C10orf67: variants seen among roughly 807,000 people sequenced by gnomAD.
C10orf67 encodes the protein chromosome 10 open reading frame 67, also known as uncharacterized protein C10orf67, mitochondrial.
A neutral mutation model predicts 35.6 loss-of-function variants in C10orf67; 60 were observed. The ratio of observed to expected loss-of-function variants is 1.68; its 90% CI spans 1.37 to 2.09. The LOEUF (loss-of-function observed/expected upper bound fraction) is 2.09. Among genes scored for constraint, C10orf67 ranks in the 30% most tolerant of loss-of-function variants. The pLI, the probability that C10orf67 is intolerant of heterozygous loss-of-function variation, is 0.00. For synonymous variants in C10orf67, 167 were observed against 115.8 expected, an observed-to-expected ratio of 1.44 and a Z score of -2.84; for missense variants, 474 against 330.2, an observed-to-expected ratio of 1.44 and a Z score of -3.38.
intron 15 of C10orf67, among the ~76,000 whole-genome samples, chr10:23,208,798 G>A (rs1358603720): frequency 1.3e-5 from 2 of 152,176 alleles, no homozygotes; most frequent in Non-Finnish European, 2.9e-5. Flanking sequence ...TGGGATAAGA[G>A]CAAATGTGAC....
Position 23,291,279 on chromosome 10 carries a change from C to T in C10orf67, c.703G>A (p.Glu235Lys), listed in dbSNP as rs1192693225. 1.4e-6 allele frequency: 1 copy of T among 713,602 alleles called. No individual in the cohort carries two copies. The allele number at this position is 713,602 out of a possible 1,614,324, so 44.2% of individuals were successfully genotyped here. A position where few individuals can be genotyped will look rare whatever the true frequency, so the allele number is the denominator to read the frequency against. The change falls in exon 6 of 16, where the codon GAA becomes AAA. Residue 235 changes from glutamate to lysine, a missense_variant and splice_region_variant. Transcript: ENST00000636213. ...QYKDFGFHKM[E>K]SFAKETSSPK... The stretch of plus-strand genomic sequence containing the variant: ...GAGCTGGTTTCTTTGGCAAAAGATT[C>T]CTAAAAGATGGAGAATGCCATATTC...
chr10:23,203,437 T>C lies in C10orf67; in HGVS notation c.*736A>G, dbSNP rs1347335794. 6.6e-6 allele frequency: 1 copy of C among 152,240 alleles called. No individual in the cohort carries two copies. The highest frequency in any genetic ancestry group is 6.5e-5 in the Admixed American group (1 of 15,288). The allele number at this position is 152,240 out of a possible 1,614,324, so 9.4% of individuals were successfully genotyped here. On this transcript the variant is annotated 3_prime_UTR_variant, in exon 16 of 16. Coordinates refer to ENST00000636213, the MANE Select transcript of C10orf67 (RefSeq NM_001371909.1). ...AATAAATAACTGTAGAATTCTGTAA[T>C]CCAGAGCCTACGATTCAGATACAGG... is the stretch of plus-strand genomic sequence containing the variant.
chr10:23,323,914 T>TA (rs1845068262), intron 2 of C10orf67, among the ~76,000 whole-genome samples: 12 of 26,866 alleles, frequency 4.5e-4, no homozygotes, highest in African/African-American at 3.2e-3. Context: ...TATATATATA[T>TA]ATATATATAT....
Position 23,250,491 on chromosome 10 carries a change from T to C in C10orf67, c.1310A>G (p.Lys437Arg). 3 of 398,626 alleles carry C rather than the reference T, an allele frequency of 7.5e-6. No homozygotes were observed. Among genetic ancestry groups the C allele is most frequent in the Non-Finnish European group, 8.9e-6 (2 of 225,824 alleles). The allele number at this position is 398,626 out of a possible 1,614,324, so 24.7% of individuals were successfully genotyped here. Residue 437 changes from lysine to arginine, a missense_variant, in exon 12 of 16, where the codon AAA becomes AGA. Coordinates refer to ENST00000636213, the MANE Select transcript of C10orf67 (RefSeq NM_001371909.1). ...RFRKEADRLN[K>R]SWEKRFFILR... ...AATAAAGAATCTCTTTTCCCAGCTT[T>C]TATTTAGTCGATCAGCTTCCTTCCT...
intron 15 of C10orf67, among the ~76,000 whole-genome samples, chr10:23,208,293 A>G (rs978814411): frequency 6.6e-6 from 1 of 152,222 alleles, no homozygotes; most frequent in African/African-American, 2.4e-5. Flanking sequence ...GTGAATTTAT[A>G]GGTTCCCAAA....
intron 13 of C10orf67, among the ~76,000 whole-genome samples, chr10:23,229,451 G>T (rs909048671): frequency 1.9e-5 from 2 of 102,748 alleles, no homozygotes; most frequent in Admixed American, 2.7e-4. Flanking sequence ...GGGGAGGGGG[G>T]AGGGATAGCA....
At chr10:23,254,013 A>T (rs1842535630) in intron 10 of C10orf67, among the ~76,000 whole-genome samples, 1 of 152,212 alleles carries the variant, frequency 6.6e-6, no homozygotes, top group African/African-American at 2.4e-5. Flanking sequence ...CCAGCTGCTG[A>T]CATTCCACTT....
chr10:23,291,384 T>G (rs1389372795), intron 5 of C10orf67, 105 bp from the exon 6 acceptor site: 2 of 609,002 alleles, frequency 3.3e-6, no homozygotes, highest in African/African-American at 3.7e-5. Flanking sequence ...ATTTTCTGAA[T>G]TCTATTACAC....
chr10:23,258,377 T>C (rs916746429), intron 10 of C10orf67: 13 of 169,198 alleles, frequency 7.7e-5, no homozygotes, highest in Middle Eastern at 3.3e-3. Flanking sequence ...CTGTTTCTGA[T>C]TGGCACCTTT....
chr10:23,335,420 A>G (rs1227120797), intron 1 of C10orf67, among the ~76,000 whole-genome samples: 2 of 152,176 alleles, frequency 1.3e-5, no homozygotes, highest in African/African-American at 4.8e-5. Context: ...TCTTATGGAA[A>G]ATAATAGTCC....
At chr10:23,275,981 A>G (rs550670542) in intron 8 of C10orf67, among the ~76,000 whole-genome samples, 2 of 152,280 alleles carry the variant, frequency 1.3e-5, no homozygotes, top group East Asian at 3.9e-4. Context: ...ATTGGAGTTG[A>G]TACATGAACT....
chr10:23,318,917 G>A, intron 4 of C10orf67: 3 of 777,140 alleles, frequency 3.9e-6, no homozygotes, highest in Non-Finnish European at 7.2e-6. Context: ...GTTTCACAGT[G>A]GCTGCAGCAA....
At chr10:23,219,692 A>G (rs964141906) in intron 15 of C10orf67, among the ~76,000 whole-genome samples, 46 of 152,294 alleles carry the variant, frequency 3.0e-4, no homozygotes, top group African/African-American at 1.0e-3. Context: ...AATTTTTAGA[A>G]CTTGCAACAT....
intron 8 of C10orf67, among the ~76,000 whole-genome samples, chr10:23,276,907 T>C (rs752953565): frequency 6.6e-6 from 1 of 152,070 alleles, no homozygotes; most frequent in Non-Finnish European, 1.5e-5. Flanking sequence ...GGGAAAGGAA[T>C]TGGTGAATAA....
intron 1 of C10orf67, chr10:23,344,042 C>T (rs1335951491): frequency 2.9e-6 from 1 of 347,496 alleles, no homozygotes; most frequent in Non-Finnish European, 6.2e-6. Flanking sequence ...CGCTCGCTCT[C>T]CTGAGTCGGA....
chr10:23,268,620 G>C (rs1312828405), intron 8 of C10orf67, among the ~76,000 whole-genome samples: 2 of 152,174 alleles, frequency 1.3e-5, no homozygotes, highest in Non-Finnish European at 2.9e-5. Flanking sequence ...GCCCACGAAA[G>C]GCTATACTTA....
At chr10:23,337,454 A>C (rs1255981319) in intron 1 of C10orf67, among the ~76,000 whole-genome samples, 2 of 152,142 alleles carry the variant, frequency 1.3e-5, no homozygotes, top group East Asian at 3.9e-4. Flanking sequence ...AGATCACCTG[A>C]GCCTGGGAGG....
At chr10:23,323,934 T>TAC (rs1299020875) in intron 2 of C10orf67, among the ~76,000 whole-genome samples, 2 of 63,792 alleles carry the variant, frequency 3.1e-5, no homozygotes, top group Non-Finnish European at 6.9e-5. Flanking sequence ...TATATATATA[T>TAC]ATATATATAT....
rs76275285 is a variant in C10orf67, at chr10:23,280,761, G to A, written c.975+1252C>T. Reference sequence around the variant, plus strand: ...GTTAAAGGCTTACAGTTAAAATAAAGAGGCAAAGTAATTCAAAGAGTATGG... The same window carrying A: ...GTTAAAGGCTTACAGTTAAAATAAAAAGGCAAAGTAATTCAAAGAGTATGG... On this transcript the variant is annotated intron_variant, in intron 8 of 15. Coordinates refer to ENST00000636213, the MANE Select transcript of C10orf67 (RefSeq NM_001371909.1). 2.9e-3 allele frequency among the ~76,000 whole-genome samples: 443 copies of A among 152,286 alleles called. 2 individuals are homozygous for A. Among genetic ancestry groups the A allele is most frequent in the African/African-American group, 0.01 (417 of 41,542 alleles).
Sources: allele counts gnomAD v4.1 joint callset (sites outside exome capture counted in the v4.1 genomes callset), GRCh38; gene constraint gnomAD v4.1.1; transcripts MANE v1.5; gene names NCBI Gene and HGNC (gene_info 2026-07-23, HGNC 2026-07-21).